SYT1: variants seen among roughly 807,000 people sequenced by gnomAD.
The protein encoded by SYT1 is synaptotagmin 1, also known as synaptotagmin-1.
In SYT1, 8 loss-of-function variants were observed where a neutral mutation model predicts 44.8. The observed-to-expected ratio is 0.18, with a 90% CI of 0.10 to 0.32. The LOEUF (loss-of-function observed/expected upper bound fraction) is 0.32, where lower values mean the gene tolerates loss of function less well. SYT1 is among the 10% of genes least tolerant of loss of function. The pLI, the probability that SYT1 is intolerant of heterozygous loss-of-function variation, is 1.00. For missense variants in SYT1, 286 were observed against 509.3 expected (o/e 0.56, Z 4.22); for synonymous variants, 154 against 188.8 (o/e 0.82, Z 1.51).
chr12:79,093,952 A>G (rs1332101672), intron 3 of SYT1, among the ~76,000 whole-genome samples: 1 of 151,718 alleles, frequency 6.6e-6, no homozygotes, highest in Non-Finnish European at 1.5e-5. Context: ...ATTTCTAGAA[A>G]CAAAAGCTTT....
At chr12:79,087,764 C>T (rs1423490666) in intron 3 of SYT1, among the ~76,000 whole-genome samples, 1 of 152,064 alleles carries the variant, frequency 6.6e-6, no homozygotes, top group East Asian at 1.9e-4. Context: ...ATGATAGAAG[C>T]TCAGGTATAG....
chr12:79,431,760 C>T (rs1321172662), intron 9 of SYT1, among the ~76,000 whole-genome samples: 3 of 152,118 alleles, frequency 2.0e-5, no homozygotes, highest in Admixed American at 2.0e-4. Flanking sequence ...TCAGGCTGGT[C>T]TCGAACTCCT....
At position 79,179,150 on chromosome 12, in the gene SYT1, A is replaced by C. The variant is rs1298739051; in HGVS notation, c.-17-38353A>C. ...TAGATATATAGATATAGATATAGAT[A>C]TATAGATATATAGATATAGATATAG... On this transcript the variant is annotated intron_variant, in intron 3 of 10. Transcript: ENST00000261205. Among the ~76,000 whole-genome samples, 220 of 85,540 alleles carry C rather than the reference A, an allele frequency of 2.6e-3. 48 individuals are homozygous for C. Among genetic ancestry groups the C allele is most frequent in the African/African-American group, 7.6e-3 (201 of 26,540 alleles). The allele number at this position is 85,540 out of a possible 152,430, so 56.1% of individuals were successfully genotyped here. A position where few individuals can be genotyped will look rare whatever the true frequency, so the allele number is the denominator to read the frequency against.
intron 3 of SYT1, among the ~76,000 whole-genome samples, chr12:79,104,262 A>G (rs895661614): frequency 3.3e-5 from 5 of 152,014 alleles, no homozygotes; most frequent in Non-Finnish European, 7.4e-5. Flanking sequence ...TTTAGTGAAA[A>G]CTGTAGAAAG....
chr12:79,351,718 C>T (rs917163935), intron 8 of SYT1, among the ~76,000 whole-genome samples: 3 of 152,084 alleles, frequency 2.0e-5, no homozygotes, highest in Non-Finnish European at 4.4e-5. Flanking sequence ...ACTAGCCTCT[C>T]CTGTTGTATA....
intron 1 of SYT1, among the ~76,000 whole-genome samples, chr12:78,866,340 G>A (rs1272905625): frequency 1.3e-5 from 2 of 152,196 alleles, no homozygotes; most frequent in Non-Finnish European, 2.9e-5. Flanking sequence ...TGGAGGCTCA[G>A]TTGGACAAGA....
At chr12:79,122,535 G>T (rs1247766187) in intron 3 of SYT1, among the ~76,000 whole-genome samples, 4 of 63,860 alleles carry the variant, frequency 6.3e-5, no homozygotes, top group South Asian at 5.7e-4. Flanking sequence ...AAAAAAAAAA[G>T]AGATTCATAT....
chr12:79,280,695 TAATC>T (rs1167034242), intron 4 of SYT1, among the ~76,000 whole-genome samples: 2 of 151,762 alleles, frequency 1.3e-5, no homozygotes, highest in East Asian at 3.9e-4. Context: ...GCTAAATAAA[TAATC>T]AACAGAGTAA....
intron 9 of SYT1, among the ~76,000 whole-genome samples, chr12:79,372,418 GA>G (rs1175023043): frequency 6.6e-6 from 1 of 152,146 alleles, no homozygotes; most frequent in African/African-American, 2.4e-5. Flanking sequence ...ATAATTTGTA[GA>G]AAAATTGATT....
intron 9 of SYT1, among the ~76,000 whole-genome samples, chr12:79,383,786 TTCA>T (rs1012831338): frequency 5.3e-5 from 8 of 152,206 alleles, no homozygotes; most frequent in Non-Finnish European, 1.2e-4. Context: ...ATTTCAGTTC[TTCA>T]TCATGTAAAG....
chr12:79,070,095 A>G (rs1876163674), intron 3 of SYT1, among the ~76,000 whole-genome samples: 1 of 152,124 alleles, frequency 6.6e-6, no homozygotes, highest in African/African-American at 2.4e-5. Flanking sequence ...ACCAAAGCCT[A>G]TTCTTTGAAG....
intron 8 of SYT1, among the ~76,000 whole-genome samples, chr12:79,320,413 G>A: frequency 6.6e-6 from 1 of 152,042 alleles, no homozygotes; most frequent in Non-Finnish European, 1.5e-5. Flanking sequence ...CAGCATTTCT[G>A]CCTTGAGGTT....
In SYT1 at chr12:79,009,877, T is replaced by C. The variant is rs535292228; in HGVS notation, c.-84+31946T>C. On this transcript the variant is annotated intron_variant, in intron 2 of 10. Coordinates refer to ENST00000261205, the MANE Select transcript of SYT1 (RefSeq NM_005639.3). ...GCTTTTCTCCACAGGTACTTTGAGCTTAGCACAGACGGCATCCTCTATGTT... is the reference window on the plus strand; with the variant it reads ...GCTTTTCTCCACAGGTACTTTGAGCCTAGCACAGACGGCATCCTCTATGTT... Among the ~76,000 whole-genome samples, 7 of 152,268 alleles carry C rather than the reference T, an allele frequency of 4.6e-5. No individual in the cohort carries two copies. The East Asian group carries it at 1.2e-3, about 25-fold the overall frequency.
chr12:79,092,870 C>A (rs1309350650), intron 3 of SYT1, among the ~76,000 whole-genome samples: 1 of 151,598 alleles, frequency 6.6e-6, no homozygotes, highest in East Asian at 1.9e-4. Context: ...TGGTTAAAAA[C>A]CTAATGAGAA....
intron 1 of SYT1, among the ~76,000 whole-genome samples, chr12:78,973,923 AAAAAAAAAAAAAAAAATATATATATAT>A (rs1280166403): frequency 2.8e-3 from 67 of 24,016 alleles, no homozygotes; most frequent in African/African-American, 0.014. Context: ...CACCAAAAAA[AAAAAAAAAAAAAAAAATATATATATAT>A]ATATATATAT....
intron 3 of SYT1, among the ~76,000 whole-genome samples, chr12:79,090,981 A>G (rs1877736607): frequency 6.6e-6 from 1 of 151,948 alleles, no homozygotes; most frequent in African/African-American, 2.4e-5. Flanking sequence ...ATTCAAATAA[A>G]AGGACCTCAG....
rs142791470 is a variant in SYT1, at chr12:79,166,270, C to A, written c.-17-51233C>A. ...ATTGTCAGAGTCAGTCTGTCAGGTT[C>A]TGCTCATCATTAATTTTTTAAAACA... is the stretch of plus-strand genomic sequence containing the variant. On this transcript the variant is annotated intron_variant, in intron 3 of 10. Coordinates refer to ENST00000261205, the MANE Select transcript of SYT1 (RefSeq NM_005639.3). Among the ~76,000 whole-genome samples, 75 of 152,092 alleles carry A rather than the reference C, an allele frequency of 4.9e-4. No individual in the cohort carries two copies. The East Asian group carries it at 0.012, about 25-fold the overall frequency.
At chr12:79,297,722 A>G (rs1879942021) in intron 7 of SYT1, among the ~76,000 whole-genome samples, 1 of 152,170 alleles carries the variant, frequency 6.6e-6, no homozygotes, top group African/African-American at 2.4e-5. Context: ...CAATTTTTCT[A>G]GAGAACTGGT....
chr12:79,448,912 T>G lies in SYT1; in HGVS notation c.1063-6T>G. 1 of 1,613,986 alleles carries G rather than the reference T, an allele frequency of 6.2e-7. No individual in the cohort carries two copies. The highest frequency in any genetic ancestry group is 8.5e-7 in the Non-Finnish European group (1 of 1,179,860). On this transcript the variant is annotated splice_region_variant and splice_polypyrimidine_tract_variant and intron_variant, in intron 10 of 10. Transcript: ENST00000261205. ...TGATTCATATTCATTTCATGGCTTC[T>G]TTCAGAAAGTGCAGGTGGTGGTAAC...
Sources: allele counts gnomAD v4.1 joint callset (sites outside exome capture counted in the v4.1 genomes callset), GRCh38; gene constraint gnomAD v4.1.1; transcripts MANE v1.5; gene names NCBI Gene and HGNC (gene_info 2026-07-23, HGNC 2026-07-21).